Variants in UBE2F observed in about 807,000 individuals in gnomAD.
The protein encoded by UBE2F is NEDD8-conjugating enzyme UBE2F.
Under a neutral mutation model 29.6 loss-of-function variants are expected in UBE2F, and 5 were observed. The ratio of observed to expected loss-of-function variants is 0.17; its 90% CI spans 0.09 to 0.36. The LOEUF is 0.36. Ranked by LOEUF, UBE2F falls within the 10% of genes least tolerant of loss-of-function variation. UBE2F has a pLI of 1.00. For synonymous variants in UBE2F, 66 were observed against 81.8 expected (o/e 0.81, Z 1.04); for missense variants, 141 against 228.5 (o/e 0.62, Z 2.47).
chr2:237,991,958 G>A (rs549782901), intron 3 of UBE2F, among the ~76,000 whole-genome samples: 1 of 151,482 alleles, frequency 6.6e-6, no homozygotes, highest in East Asian at 1.9e-4. Flanking sequence ...CTCTGCCCCC[G>A]GGTTCAAGCA....
At chr2:238,031,276 C>T in intron 7 of UBE2F, among the ~76,000 whole-genome samples, 1 of 152,228 alleles carries the variant, frequency 6.6e-6, no homozygotes, top group African/African-American at 2.4e-5. Flanking sequence ...CCCTCTCCTC[C>T]AGCCCTCTCC....
At position 238,040,858 on chromosome 2, in the gene UBE2F, TAGC is replaced by T. The variant is rs545375822; in HGVS notation, c.508-425_508-423del. ...GAAGAGCAGGCACATTTTAAGTAGGTAGCAGCATCCAGGGAAATCATTCTAGGA... is the reference window on the plus strand; with the variant it reads ...GAAGAGCAGGCACATTTTAAGTAGGTAGCATCCAGGGAAATCATTCTAGGA... On this transcript the variant is annotated intron_variant, in intron 9 of 9. Transcript: ENST00000272930. The surrounding 1 kb of genome is among the most constrained non-coding windows in gnomAD (Gnocchi z 4.4). Among the ~76,000 whole-genome samples, 74 of 152,122 alleles carry T rather than the reference TAGC, an allele frequency of 4.9e-4. No individual in the cohort carries two copies. The highest frequency in any genetic ancestry group is 1.7e-3 in the African/African-American group (69 of 41,516).
chr2:237,973,692 C>T (rs970776930), intron 2 of UBE2F: 37 of 1,301,700 alleles, frequency 2.8e-5, no homozygotes, highest in Non-Finnish European at 3.5e-5. Flanking sequence ...GTTCTCTTCA[C>T]GGAATTAATA....
intron 4 of UBE2F, among the ~76,000 whole-genome samples, chr2:238,007,662 G>A (rs1247344084): frequency 6.6e-6 from 1 of 151,922 alleles, no homozygotes; most frequent in Non-Finnish European, 1.5e-5. Context: ...CTGTTGATAA[G>A]GTAAATTACA....
At chr2:237,995,554 T>C (rs962057385) in intron 4 of UBE2F, among the ~76,000 whole-genome samples, 1 of 152,196 alleles carries the variant, frequency 6.6e-6, no homozygotes, top group Non-Finnish European at 1.5e-5. Flanking sequence ...TATAGGGTGT[T>C]ATTTTATTTG....
chr2:238,041,260 T>G, intron 9 of UBE2F, 28 bp from the exon 10 acceptor site: 1 of 1,611,454 alleles, frequency 6.2e-7, no homozygotes, highest in Non-Finnish European at 8.5e-7. Flanking sequence ...CTGTTCTTCT[T>G]TCTGTCCCCA....
intron 6 of UBE2F, among the ~76,000 whole-genome samples, chr2:238,026,644 A>G (rs560137537): frequency 2.6e-5 from 4 of 152,130 alleles, no homozygotes; most frequent in Non-Finnish European, 5.9e-5. Context: ...TGTGTTAGCC[A>G]GGATGGTCTC....
chr2:238,035,961 T>C, intron 9 of UBE2F, 21 bp downstream of exon 9: 2 of 1,608,176 alleles, frequency 1.2e-6, no homozygotes, highest in Non-Finnish European at 1.7e-6. Flanking sequence ...AACAGGCTTA[T>C]TCTAGGTTGA....
At chr2:237,978,783 G>A (rs1291873423) in intron 2 of UBE2F, among the ~76,000 whole-genome samples, 4 of 151,466 alleles carry the variant, frequency 2.6e-5, no homozygotes, top group Non-Finnish European at 5.9e-5. Context: ...GCCCTGACTT[G>A]GGTCCAGGCC....
At chr2:238,038,067 C>T (rs1190831017) in intron 9 of UBE2F, among the ~76,000 whole-genome samples, 2 of 152,246 alleles carry the variant, frequency 1.3e-5, no homozygotes. Flanking sequence ...TCAGGAGGTG[C>T]TGCCTGACCA....
chr2:237,981,170 G>A (rs2063369327), intron 2 of UBE2F, among the ~76,000 whole-genome samples: 1 of 152,152 alleles, frequency 6.6e-6, no homozygotes, highest in African/African-American at 2.4e-5. Context: ...GTAGGTGGGT[G>A]GCGTTCTTCA....
In UBE2F at chr2:238,003,288, A is replaced by G. The variant is rs2063835891; in HGVS notation, c.214+8479A>G. The stretch of plus-strand genomic sequence containing the variant: ...GAATAGAAATGTGATGTTAGCTCTT[A>G]AAATGTCAGTTATCTGCCAAAGCAT... On this transcript the variant is annotated intron_variant, in intron 4 of 9. Transcript: ENST00000272930. 8 of 462,682 alleles carry G rather than the reference A, an allele frequency of 1.7e-5. No homozygotes were observed. In the Admixed American group the frequency reaches 1.9e-4, roughly 11 times the overall value. 28.7% of individuals were successfully genotyped at this position (462,682 alleles called of 1,614,324 possible). A position where few individuals can be genotyped will look rare whatever the true frequency, so the allele number is the denominator to read the frequency against.
intron 4 of UBE2F, 134 bp from the exon 5 acceptor site, chr2:238,016,432 C>T: frequency 4.3e-6 from 3 of 691,536 alleles, no homozygotes; most frequent in South Asian, 2.0e-5. Context: ...GTGATGGAAC[C>T]GAGGAACTCT....
At chr2:238,022,398 T>C (rs964292426) in intron 5 of UBE2F, among the ~76,000 whole-genome samples, 1 of 152,238 alleles carries the variant, frequency 6.6e-6, no homozygotes, top group Non-Finnish European at 1.5e-5. Flanking sequence ...GTTTTTCTTC[T>C]AGATTTACTA....
At chr2:237,984,598 GAGAATCTCCCTGTCCC>G (rs2063442566) in intron 2 of UBE2F, among the ~76,000 whole-genome samples, 1 of 152,230 alleles carries the variant, frequency 6.6e-6, no homozygotes, top group Non-Finnish European at 1.5e-5. Context: ...CACAGCTGGA[GAGAATCTCCCTGTCCC>G]AAAGACCCCA....
chr2:237,971,745 T>TTGTTACAG (rs147493187), intron 1 of UBE2F, among the ~76,000 whole-genome samples: 14 of 151,950 alleles, frequency 9.2e-5, no homozygotes, highest in East Asian at 1.9e-4. Flanking sequence ...GATAGTTACT[T>TTGTTACAG]TGTTACAATT....
intron 2 of UBE2F, chr2:237,973,742 A>AT: frequency 8.0e-7 from 1 of 1,256,464 alleles, no homozygotes; most frequent in South Asian, 1.3e-5. Flanking sequence ...TCTGCTATCC[A>AT]TGTTGGTGAG....
At chr2:238,041,115 C>G (rs2064829585) in intron 9 of UBE2F, among the ~76,000 whole-genome samples, 173 bp from the exon 10 acceptor site, 2 of 152,110 alleles carry the variant, frequency 1.3e-5, no homozygotes, top group Non-Finnish European at 2.9e-5. Context: ...CAGTAGGCAC[C>G]CAGGTCGTGG....
intron 5 of UBE2F, among the ~76,000 whole-genome samples, chr2:238,018,560 GTTATTTAT>G (rs1553558694): frequency 6.6e-6 from 1 of 152,092 alleles, no homozygotes; most frequent in East Asian, 1.9e-4. Context: ...GGTTCAGTGG[GTTATTTAT>G]TTATTTATTT....
Sources: allele counts gnomAD v4.1 joint callset (sites outside exome capture counted in the v4.1 genomes callset), GRCh38; gene constraint gnomAD v4.1.1; non-coding constraint Gnocchi (gnomAD v3.1); transcripts MANE v1.5; gene names NCBI Gene and HGNC (gene_info 2026-07-23, HGNC 2026-07-21).